Variants in PAK1 observed in about 807,000 individuals in gnomAD.
The protein encoded by PAK1 is serine/threonine-protein kinase PAK 1.
A neutral mutation model predicts 67.4 loss-of-function variants in PAK1; 29 were observed. The observed-to-expected ratio is 0.43, with a 90% CI of 0.32 to 0.59. The LOEUF (loss-of-function observed/expected upper bound fraction) is 0.59, where lower values mean the gene tolerates loss of function less well. PAK1 is among the 20% of genes least tolerant of loss of function. The pLI is 0.07. For missense variants in PAK1, 337 were observed against 670.7 expected, an observed-to-expected ratio of 0.50 and a Z score of 5.50; for synonymous variants, 223 against 237.4, an observed-to-expected ratio of 0.94 and a Z score of 0.56.
the PAK1 span, among the ~76,000 whole-genome samples, chr11:77,521,386 G>A: frequency 1.1e-4 from 16 of 152,118 alleles, 1 homozygote; most frequent in Admixed American, 5.9e-4. Flanking sequence ...AAAATTAGCC[G>A]GGCATGGTGG....
intron 5 of PAK1, among the ~76,000 whole-genome samples, chr11:77,369,901 TGG>T (rs552049045): frequency 1.6e-4 from 25 of 152,344 alleles, no homozygotes; most frequent in Non-Finnish European, 2.8e-4. Flanking sequence ...CTACTTCCTC[TGG>T]GGCTAATTTT....
chr11:77,337,277 G>T (rs910012687), intron 12 of PAK1, 47 bp downstream of exon 12: 3 of 940,882 alleles, frequency 3.2e-6, no homozygotes, highest in South Asian at 1.4e-5. Context: ...CAGGAGACAG[G>T]GCCCCACAGG....
At chr11:77,325,361 AC>A (rs757121698) in intron 14 of PAK1, 1 of 1,613,660 alleles carries the variant, frequency 6.2e-7, no homozygotes, top group Non-Finnish European at 8.5e-7. Flanking sequence ...AACACTTGAA[AC>A]CTCAGTTTTC....
intron 1 of PAK1, among the ~76,000 whole-genome samples, chr11:77,407,047 T>A (rs1453788809): frequency 2.0e-5 from 3 of 152,288 alleles, no homozygotes; most frequent in South Asian, 2.1e-4. Context: ...TATTATTATT[T>A]TTTTATATGA....
chr11:77,370,618 T>G (rs1948302059), intron 5 of PAK1, among the ~76,000 whole-genome samples: 2 of 152,360 alleles, frequency 1.3e-5, no homozygotes, highest in Admixed American at 6.5e-5. Context: ...CTTCTTCTGC[T>G]CTGATCAATC....
chr11:77,447,892 C>G (rs1201295914), intron 1 of PAK1, among the ~76,000 whole-genome samples: 1 of 152,186 alleles, frequency 6.6e-6, no homozygotes, highest in African/African-American at 2.4e-5. Context: ...GCATTAATAA[C>G]TCTAGGGCTA....
At chr11:77,328,785 G>C (rs1004927827) in intron 14 of PAK1, among the ~76,000 whole-genome samples, 7 of 152,112 alleles carry the variant, frequency 4.6e-5, no homozygotes, top group African/African-American at 1.2e-4. Context: ...ACTAAGATCA[G>C]AGCAGAACTG....
At chr11:77,447,548 T>C (rs76655825) in intron 1 of PAK1, among the ~76,000 whole-genome samples, 2 of 152,062 alleles carry the variant, frequency 1.3e-5, no homozygotes, top group African/African-American at 2.4e-5. Flanking sequence ...TTTTTTTTTT[T>C]CAGGGGAAGT....
chr11:77,422,997 C>T (rs749213183), intron 1 of PAK1, among the ~76,000 whole-genome samples: 3 of 151,948 alleles, frequency 2.0e-5, no homozygotes, highest in Non-Finnish European at 4.4e-5. Context: ...TGTATCCCAC[C>T]CTATACAAGC....
At position 77,392,419 on chromosome 11, in the gene PAK1, T is replaced by C. The variant is rs1279819527; in HGVS notation, c.102A>G (p.Leu34=). ...IGAGSKDAGT[L]NHGSKPLPPN... ...GAGGCAGAGGTTTAGAACCATGGTT[T>C]AGGGTTCCAGCATCTTTGCTGCCGG... Residue 34 remains leucine (L), a synonymous_variant, in exon 2 of 15, where the codon CTA becomes CTG. Transcript: ENST00000356341. 1 of 1,613,920 alleles carries C rather than the reference T, an allele frequency of 6.2e-7. No homozygotes were observed. Among genetic ancestry groups the C allele is most frequent in the Non-Finnish European group, 8.5e-7 (1 of 1,179,940 alleles).
chr11:77,449,363 C>CA (rs1956755727), intron 1 of PAK1, among the ~76,000 whole-genome samples: 1 of 152,144 alleles, frequency 6.6e-6, no homozygotes, highest in Non-Finnish European at 1.5e-5. Context: ...ACAACATGAA[C>CA]ATCAGAGGCA....
intron 9 of PAK1, among the ~76,000 whole-genome samples, chr11:77,345,213 C>CCCAGAACCCTCAATG (rs1308187089): frequency 1.3e-5 from 2 of 151,998 alleles, no homozygotes; most frequent in Middle Eastern, 3.2e-3. Flanking sequence ...TGATTGAAAG[C>CCCAGAACCCTCAATG]CCAGAACCCT....
intron 1 of PAK1, among the ~76,000 whole-genome samples, chr11:77,436,484 A>C (rs1259207849): frequency 1.3e-5 from 2 of 152,194 alleles, no homozygotes; most frequent in Admixed American, 6.5e-5. Flanking sequence ...AAGTCAATTT[A>C]TCTCTCTCTC....
intron 10 of PAK1, among the ~76,000 whole-genome samples, chr11:77,343,447 G>C (rs1372330220): frequency 6.6e-6 from 1 of 152,130 alleles, no homozygotes; most frequent in Admixed American, 6.5e-5. Flanking sequence ...TGCATTTTAA[G>C]AGAACATAAA....
chr11:77,353,456 CAA>C, intron 8 of PAK1, 78 bp downstream of exon 8: 2 of 968,912 alleles, frequency 2.1e-6, no homozygotes, highest in Non-Finnish European at 3.3e-6. Flanking sequence ...TTATGAGAGG[CAA>C]AAAAAAAGCA....
At chr11:77,326,693 A>G (rs1360808307) in intron 14 of PAK1, among the ~76,000 whole-genome samples, 1 of 152,158 alleles carries the variant, frequency 6.6e-6, no homozygotes, top group Non-Finnish European at 1.5e-5. Flanking sequence ...TCGAAAAAAC[A>G]GAGCAGAAAA....
intron 5 of PAK1, among the ~76,000 whole-genome samples, chr11:77,364,964 G>C (rs1418819442): frequency 1.3e-5 from 2 of 152,122 alleles, no homozygotes; most frequent in Non-Finnish European, 2.9e-5. Flanking sequence ...ATTTGAAAAT[G>C]GAGGTGGGGA....
At chr11:77,334,284 G>A (rs763766335) in intron 13 of PAK1, among the ~76,000 whole-genome samples, 3 of 152,146 alleles carry the variant, frequency 2.0e-5, no homozygotes, top group Non-Finnish European at 2.9e-5. Flanking sequence ...CTGCAAGGCC[G>A]TTCTAAGGGA....
chr11:77,390,660 C>T (rs968144804), intron 2 of PAK1, among the ~76,000 whole-genome samples: 20 of 143,136 alleles, frequency 1.4e-4, no homozygotes, highest in African/African-American at 5.2e-4. Context: ...CCATGCCCGA[C>T]TCCTTTTTTT....
Sources: gnomAD v4.1 joint callset for allele counts (sites outside exome capture counted in the v4.1 genomes callset) on GRCh38, gnomAD v4.1.1 for gene constraint, MANE v1.5 for transcripts, NCBI Gene and HGNC (gene_info 2026-07-23, HGNC 2026-07-21) for gene names.